PPP1R14C: variants seen among roughly 807,000 people sequenced by gnomAD.
The protein encoded by PPP1R14C is protein phosphatase 1 regulatory subunit 14C.
A neutral mutation model predicts 20.4 loss-of-function variants in PPP1R14C; 16 were observed. That is an observed-to-expected ratio of 0.78 (90% CI 0.53 to 1.19). The LOEUF (loss-of-function observed/expected upper bound fraction) is 1.19, where lower values mean the gene tolerates loss of function less well. Ranked by LOEUF, PPP1R14C falls within the 50% of genes most tolerant of loss-of-function variation. The pLI is 0.00. For synonymous variants in PPP1R14C, 91 were observed against 91.0 expected (o/e 1.00, Z 0.00); for missense variants, 211 against 220.1 (o/e 0.96, Z 0.26).
intron 1 of PPP1R14C, among the ~76,000 whole-genome samples, chr6:150,154,643 G>T (rs913920721): frequency 5.3e-5 from 8 of 152,230 alleles, no homozygotes; most frequent in Admixed American, 1.3e-4. Flanking sequence ...CTGAGACAAG[G>T]ATTAGACTAG....
intron 1 of PPP1R14C, among the ~76,000 whole-genome samples, chr6:150,213,230 T>A (rs923643735): frequency 6.6e-6 from 1 of 152,110 alleles, no homozygotes; most frequent in Non-Finnish European, 1.5e-5. Context: ...CTAGAGAGGT[T>A]GTTTCTGGAA....
chr6:150,166,206 G>A (rs1049219500), intron 1 of PPP1R14C, among the ~76,000 whole-genome samples: 3 of 151,880 alleles, frequency 2.0e-5, no homozygotes, highest in Admixed American at 1.3e-4. Context: ...TCAGCCTCCT[G>A]AGTAGCTGGG....
intron 3 of PPP1R14C, among the ~76,000 whole-genome samples, chr6:150,246,304 T>A (rs1582937724): frequency 6.7e-6 from 1 of 148,584 alleles, no homozygotes. Context: ...ACCTTTGCTT[T>A]AAAAAAAAAA....
chr6:150,195,417 G>A (rs948782009), intron 1 of PPP1R14C, among the ~76,000 whole-genome samples: 1 of 152,104 alleles, frequency 6.6e-6, no homozygotes, highest in Non-Finnish European at 1.5e-5. Flanking sequence ...GTGCTATCTC[G>A]GCTCACTGCA....
intron 1 of PPP1R14C, among the ~76,000 whole-genome samples, chr6:150,177,852 C>T (rs1263827078): frequency 6.6e-6 from 1 of 152,108 alleles, no homozygotes. Flanking sequence ...AACAAGAGGC[C>T]GGGACAGACT....
chr6:150,215,020 C>T (rs1169778651), intron 2 of PPP1R14C, among the ~76,000 whole-genome samples, 193 bp downstream of exon 2: 2 of 152,212 alleles, frequency 1.3e-5, no homozygotes, highest in East Asian at 3.8e-4. Flanking sequence ...GATAAAGCAG[C>T]CCTTGACTAT....
At position 150,201,893 on chromosome 6, in the gene PPP1R14C, A is replaced by G. The variant is rs2114898165; in HGVS notation, c.307-12851A>G. On this transcript the variant is annotated intron_variant, in intron 1 of 3. Coordinates refer to ENST00000361131, the MANE Select transcript of PPP1R14C (RefSeq NM_030949.3). This position sits in a 1 kb window ranked among gnomAD's most constrained non-coding sequence, Gnocchi z 4.2. The stretch of plus-strand genomic sequence containing the variant: ...CAGGGAGAGGAGGGGTCAGGAGTGA[A>G]GTATTCCATGAACCGTCACATTGCC... Among the ~76,000 whole-genome samples, 1 of 152,310 alleles carries G rather than the reference A, an allele frequency of 6.6e-6. No individual in the cohort carries two copies. The highest frequency in any genetic ancestry group is 2.1e-4 in the South Asian group (1 of 4,828).
intron 1 of PPP1R14C, among the ~76,000 whole-genome samples, chr6:150,173,702 G>A (rs1777524214): frequency 6.6e-6 from 1 of 152,074 alleles, no homozygotes; most frequent in South Asian, 2.1e-4. Flanking sequence ...ATCTTGTTCA[G>A]TCTTCAGAAT....
chr6:150,218,351 C>T (rs919466595), intron 3 of PPP1R14C, among the ~76,000 whole-genome samples: 12 of 151,456 alleles, frequency 7.9e-5, no homozygotes, highest in African/African-American at 2.4e-4. Flanking sequence ...TGCAGTGAGC[C>T]GAGATTGCGC....
intron 1 of PPP1R14C, among the ~76,000 whole-genome samples, chr6:150,155,413 A>G (rs1399065447): frequency 6.6e-6 from 1 of 152,200 alleles, no homozygotes; most frequent in Non-Finnish European, 1.5e-5. Flanking sequence ...CCACATAAAT[A>G]CTCAGTGATA....
chr6:150,202,160 G>A (rs1034945155), intron 1 of PPP1R14C, among the ~76,000 whole-genome samples: 2 of 152,156 alleles, frequency 1.3e-5, no homozygotes, highest in Non-Finnish European at 2.9e-5. Flanking sequence ...GTGTGAGGAA[G>A]GTAGTGCAAG....
chr6:150,145,141 G>A (rs1223730640), intron 1 of PPP1R14C, among the ~76,000 whole-genome samples: 2 of 152,208 alleles, frequency 1.3e-5, no homozygotes, highest in Admixed American at 1.3e-4. Flanking sequence ...TCTACCCACT[G>A]AGTAGCCTGA....
At chr6:150,186,580 C>G (rs1017845176) in intron 1 of PPP1R14C, among the ~76,000 whole-genome samples, 2 of 152,200 alleles carry the variant, frequency 1.3e-5, no homozygotes, top group African/African-American at 2.4e-5. Context: ...CACACTGTGT[C>G]AGGACCTGGG....
chr6:150,226,565 G>A (rs1027454155), intron 3 of PPP1R14C, among the ~76,000 whole-genome samples: 2 of 152,140 alleles, frequency 1.3e-5, no homozygotes, highest in Non-Finnish European at 2.9e-5. Context: ...TGCATTTAAT[G>A]TGGGCTTGAG....
chr6:150,202,986 A>G (rs1777896962), intron 1 of PPP1R14C, among the ~76,000 whole-genome samples: 1 of 152,136 alleles, frequency 6.6e-6, no homozygotes, highest in Admixed American at 6.5e-5. Context: ...ATCTTGCATT[A>G]GTGTTGTATC....
At position 150,185,728 on chromosome 6, in the gene PPP1R14C, G is replaced by T. The variant is rs150134956; in HGVS notation, c.307-29016G>T. 1.3e-5 allele frequency among the ~76,000 whole-genome samples: 2 copies of T among 152,244 alleles called. No homozygotes were observed. Among genetic ancestry groups the T allele is most frequent in the Admixed American group, 6.5e-5 (1 of 15,298 alleles). On this transcript the variant is annotated intron_variant, in intron 1 of 3. Coordinates refer to ENST00000361131, the MANE Select transcript of PPP1R14C (RefSeq NM_030949.3). The surrounding 1 kb of genome is among the most constrained non-coding windows in gnomAD (Gnocchi z 4.1). ...GCGAGGCTATGTTACACTCAGGAGTGACCCAAACTTTCAGTGGCTTAAACC... is the reference window on the plus strand; with the variant it reads ...GCGAGGCTATGTTACACTCAGGAGTTACCCAAACTTTCAGTGGCTTAAACC...
chr6:150,172,194 A>C (rs1369955079), intron 1 of PPP1R14C, among the ~76,000 whole-genome samples: 2 of 152,240 alleles, frequency 1.3e-5, no homozygotes, highest in South Asian at 2.1e-4. Flanking sequence ...AACCCTTTGC[A>C]GATGGGTAAT....
chr6:150,148,340 G>A (rs1777202097), intron 1 of PPP1R14C, among the ~76,000 whole-genome samples: 1 of 152,210 alleles, frequency 6.6e-6, no homozygotes, highest in African/African-American at 2.4e-5. Context: ...ACAGAACAAG[G>A]CTGTGGCCAG....
intron 1 of PPP1R14C, among the ~76,000 whole-genome samples, chr6:150,212,020 C>A (rs2114908063): frequency 6.6e-6 from 1 of 152,336 alleles, no homozygotes; most frequent in Admixed American, 6.5e-5. Context: ...TTTCTCATCA[C>A]ATGCCCTTGG....
Sources: allele counts gnomAD v4.1 joint callset (sites outside exome capture counted in the v4.1 genomes callset), GRCh38; gene constraint gnomAD v4.1.1; non-coding constraint Gnocchi (gnomAD v3.1); transcripts MANE v1.5; gene names NCBI Gene and HGNC (gene_info 2026-07-23, HGNC 2026-07-21).